Variants in RGS22 observed in about 807,000 individuals in gnomAD.
The protein encoded by RGS22 is regulator of G protein signaling 22.
RGS22 carries 148 observed loss-of-function variants against 172.9 expected under a neutral mutation model. The ratio of observed to expected loss-of-function variants is 0.86; its 90% CI spans 0.75 to 0.98. The LOEUF is 0.98. RGS22 is among the 50% of genes least tolerant of loss of function. The probability of loss-of-function intolerance (pLI) is 0.00; values close to 1 mark genes in which losing one functional copy is unlikely to be tolerated. For missense variants in RGS22, 1,347 were observed against 1,440.8 expected (o/e 0.93, Z 1.05); for synonymous variants, 458 against 480.2 (o/e 0.95, Z 0.60).
chr8:100,098,775 A>C (rs994506370), intron 2 of RGS22, among the ~76,000 whole-genome samples: 2 of 151,422 alleles, frequency 1.3e-5, no homozygotes, highest in Non-Finnish European at 2.9e-5. Flanking sequence ...CTCAACAAGT[A>C]CCCAAAAGGC....
intron 20 of RGS22, among the ~76,000 whole-genome samples, chr8:99,995,679 A>T (rs907398447): frequency 6.6e-6 from 1 of 152,328 alleles, no homozygotes; most frequent in Non-Finnish European, 1.5e-5. Context: ...TAAATTGGTT[A>T]AACCATTGTG....
In RGS22 at chr8:100,038,926, C is replaced by T. The variant is rs879423802; in HGVS notation, c.2166+5G>A. 34 of 1,584,202 alleles carry T rather than the reference C, an allele frequency of 2.1e-5. No homozygotes were observed. Among genetic ancestry groups the T allele is most frequent in the Non-Finnish European group, 2.9e-5 (34 of 1,156,060 alleles). The stretch of plus-strand genomic sequence containing the variant: ...CACATTGAACCAATATTATTTACTA[C>T]GTACTTGCGCTTGCTTGCATACTTT... On this transcript the variant is annotated splice_donor_5th_base_variant and intron_variant, in intron 14 of 27. Transcript: ENST00000360863.
intron 14 of RGS22, among the ~76,000 whole-genome samples, chr8:100,020,273 A>G (rs1410454366): frequency 6.6e-6 from 1 of 152,194 alleles, no homozygotes; most frequent in Non-Finnish European, 1.5e-5. Context: ...GCCAGCCGCT[A>G]GGAAAAAGAG....
At position 100,042,288 on chromosome 8, in the gene RGS22, T is replaced by G. The variant is rs145945290; in HGVS notation, c.1824-372A>C. Among the ~76,000 whole-genome samples the G allele has an allele frequency of 2.7e-3, 404 of 152,282 alleles. 2 individuals are homozygous for G. The highest frequency in any genetic ancestry group is 9.4e-3 in the African/African-American group (391 of 41,570). ...GTGTTTTAATAAAATTAAAAAAATT[T>G]TAATGTGTTTTAGAGGGGCTCTTTA... On this transcript the variant is annotated intron_variant, in intron 11 of 27. Transcript: ENST00000360863.
intron 14 of RGS22, among the ~76,000 whole-genome samples, chr8:100,036,142 G>A (rs1819442518): frequency 6.7e-6 from 1 of 149,922 alleles, no homozygotes; most frequent in Non-Finnish European, 1.5e-5. Context: ...TGAAATAAAA[G>A]AAAAATCTCC....
At chr8:100,026,714 T>TA (rs1185011625) in intron 14 of RGS22, among the ~76,000 whole-genome samples, 5 of 152,176 alleles carry the variant, frequency 3.3e-5, no homozygotes, top group African/African-American at 1.2e-4. Flanking sequence ...TAGAAAGATG[T>TA]AAAATTGATT....
At chr8:100,023,755 G>T (rs1181963847) in intron 14 of RGS22, among the ~76,000 whole-genome samples, 1 of 152,070 alleles carries the variant, frequency 6.6e-6, no homozygotes, top group African/African-American at 2.4e-5. Flanking sequence ...TTCTTTACAT[G>T]TGCTGGCATC....
intron 3 of RGS22, among the ~76,000 whole-genome samples, chr8:100,081,574 C>A (rs1017574576): frequency 2.0e-5 from 3 of 151,880 alleles, no homozygotes; most frequent in Non-Finnish European, 4.4e-5. Flanking sequence ...CCATAAATTA[C>A]ATATAAAATT....
chr8:100,071,690 T>TA (rs368214595), intron 5 of RGS22, among the ~76,000 whole-genome samples, 153 bp from the exon 6 acceptor site: 3 of 152,226 alleles, frequency 2.0e-5, no homozygotes, highest in African/African-American at 7.2e-5. Flanking sequence ...AGCTTATTCA[T>TA]AAAACTACTA....
At chr8:100,049,032 T>C (rs1821011931) in intron 10 of RGS22, among the ~76,000 whole-genome samples, 1 of 152,190 alleles carries the variant, frequency 6.6e-6, no homozygotes, top group Non-Finnish European at 1.5e-5. Flanking sequence ...AAAATTAACA[T>C]ATCATGTAGA....
rs559349168 is a variant in RGS22, at chr8:100,101,207, T to A, written c.54+4167A>T. Reference sequence around the variant, plus strand: ...TTTTAATGATAAAAAAATTTAAGAGTCATTCTCACTTTAAACTTTCTGAAT... The same window carrying A: ...TTTTAATGATAAAAAAATTTAAGAGACATTCTCACTTTAAACTTTCTGAAT... On this transcript the variant is annotated intron_variant, in intron 2 of 27. Transcript: ENST00000360863. Among the ~76,000 whole-genome samples, 7 of 152,118 alleles carry A rather than the reference T, an allele frequency of 4.6e-5. No homozygotes were observed. In the East Asian group the frequency reaches 1.4e-3, roughly 29 times the overall value.
At chr8:100,034,163 G>A (rs902440667) in intron 14 of RGS22, among the ~76,000 whole-genome samples, 11 of 152,160 alleles carry the variant, frequency 7.2e-5, no homozygotes, top group African/African-American at 2.7e-4. Context: ...TAGGAAAAGA[G>A]GAAGTGAAAT....
intron 4 of RGS22, among the ~76,000 whole-genome samples, chr8:100,078,021 G>A (rs1189851153): frequency 6.6e-6 from 1 of 152,082 alleles, no homozygotes; most frequent in Non-Finnish European, 1.5e-5. Context: ...TGCTTTGCCA[G>A]ATATCAATAT....
chr8:100,014,137 C>T (rs573268291), intron 14 of RGS22, among the ~76,000 whole-genome samples: 21 of 152,172 alleles, frequency 1.4e-4, no homozygotes, highest in Non-Finnish European at 2.5e-4. Flanking sequence ...CTCTCAAGAG[C>T]TCTCTTTTAA....
intron 22 of RGS22, among the ~76,000 whole-genome samples, chr8:99,980,961 T>C (rs1334480153): frequency 6.6e-6 from 1 of 152,202 alleles, no homozygotes; most frequent in Non-Finnish European, 1.5e-5. Context: ...TTTTAATGCA[T>C]AATTTGGATT....
chr8:99,961,978 C>T (rs1318688509), intron 27 of RGS22, among the ~76,000 whole-genome samples: 2 of 152,132 alleles, frequency 1.3e-5, no homozygotes, highest in Non-Finnish European at 2.9e-5. Flanking sequence ...CTTTGTAAGG[C>T]TTTGTTAAAC....
In RGS22 at chr8:100,052,660, T is replaced by G. The variant is rs1036314491; in HGVS notation, c.1689+142A>C. The G allele has an allele frequency of 1.0e-5, 8 of 772,546 alleles. No homozygotes were observed. In the East Asian group the frequency reaches 1.9e-4, roughly 18 times the overall value. 47.9% of individuals were successfully genotyped at this position (772,546 alleles called of 1,614,324 possible). A position where few individuals can be genotyped will look rare whatever the true frequency, so the allele number is the denominator to read the frequency against. On this transcript the variant is annotated intron_variant, in intron 10 of 27. Transcript: ENST00000360863. ...TTGGTAGAGAACAGACTGTAGGTTT[T>G]CTTATTTCCTAAATGTTGCAGCTTG...
intron 14 of RGS22, among the ~76,000 whole-genome samples, chr8:100,018,240 C>A (rs993450120): frequency 6.6e-6 from 1 of 151,806 alleles, no homozygotes; most frequent in Admixed American, 6.6e-5. Flanking sequence ...GTAATGCCTG[C>A]CCCTAAAAAA....
chr8:100,098,847 TTATTTTATTATTTTATTTATTTTA>T (rs1563732489), intron 2 of RGS22, among the ~76,000 whole-genome samples: 3,046 of 139,368 alleles, frequency 0.022, 118 homozygotes, highest in East Asian at 0.039. Context: ...ATTTTTTTAT[TTATTTTATTATTTTATTTATTTTA>T]TTTTATTTTA....
Sources: allele counts gnomAD v4.1 joint callset (sites outside exome capture counted in the v4.1 genomes callset), GRCh38; gene constraint gnomAD v4.1.1; transcripts MANE v1.5; gene names NCBI Gene and HGNC (gene_info 2026-07-23, HGNC 2026-07-21).